FNTA: variants seen among roughly 807,000 people sequenced by gnomAD.
FNTA encodes protein farnesyltransferase/geranylgeranyltransferase type-1 subunit alpha.
A neutral mutation model predicts 55.2 loss-of-function variants in FNTA; 27 were observed. The ratio of observed to expected loss-of-function variants is 0.49; its 90% CI spans 0.36 to 0.67. The LOEUF (loss-of-function observed/expected upper bound fraction) is 0.67, where lower values mean the gene tolerates loss of function less well. Ranked by LOEUF, FNTA falls within the 30% of genes least tolerant of loss-of-function variation. The probability of loss-of-function intolerance (pLI) is 0.00; values close to 1 mark genes in which losing one functional copy is unlikely to be tolerated. For missense variants in FNTA, 422 were observed against 464.7 expected (o/e 0.91, Z 0.85); for synonymous variants, 176 against 170.7 (o/e 1.03, Z -0.24).
At chr8:43,076,977 TCAAAA>T in intron 5 of FNTA, 1 of 338,202 alleles carries the variant, frequency 3.0e-6, no homozygotes, top group Non-Finnish European at 5.3e-6. Flanking sequence ...TTTTTTTCCC[TCAAAA>T]TTTTCTTGGA....
chr8:43,085,074 G>A, intron 8 of FNTA, 86 bp from the exon 9 acceptor site: 1 of 1,245,496 alleles, frequency 8.0e-7, no homozygotes, highest in Non-Finnish European at 1.1e-6. Flanking sequence ...ATTTGAATGT[G>A]ATTTGAGTTA....
chr8:43,062,983 A>G (rs1362021198), intron 2 of FNTA, among the ~76,000 whole-genome samples: 1 of 151,524 alleles, frequency 6.6e-6, no homozygotes, highest in African/African-American at 2.4e-5. Context: ...GGCTCTCACT[A>G]TGTTACCCAG....
At chr8:43,075,757 A>G (rs1810895601) in intron 5 of FNTA, among the ~76,000 whole-genome samples, 1 of 152,218 alleles carries the variant, frequency 6.6e-6, no homozygotes, top group South Asian at 2.1e-4. Context: ...TGGAGGTTAC[A>G]GCGAGCTGAG....
At chr8:43,078,699 C>A (rs1272672739) in intron 6 of FNTA, 2 of 152,226 alleles carry the variant, frequency 1.3e-5, no homozygotes, top group Non-Finnish European at 2.9e-5. Flanking sequence ...CCTACAGTGT[C>A]CTCTGAGTGT....
intron 5 of FNTA, chr8:43,076,857 A>G (rs1586660273): frequency 1.3e-5 from 2 of 154,372 alleles, no homozygotes; most frequent in Non-Finnish European, 1.4e-5. Flanking sequence ...AGCCTGGGCA[A>G]CAAGAGTGAA....
At chr8:43,069,859 G>T (rs1014121234) in intron 4 of FNTA, among the ~76,000 whole-genome samples, 200 bp downstream of exon 4, 12 of 151,788 alleles carry the variant, frequency 7.9e-5, no homozygotes, top group African/African-American at 2.7e-4. Context: ...GGCCAGGCTG[G>T]TCTCGAACTT....
chr8:43,064,210 A>G lies in FNTA; in HGVS notation c.396A>G (p.Thr132=), dbSNP rs1810601386. The G allele has an allele frequency of 1.9e-6, 3 of 1,585,186 alleles. No homozygotes were observed. Among genetic ancestry groups the G allele is most frequent in the Admixed American group, 1.7e-5 (1 of 59,888 alleles). Residue 132 remains threonine, a synonymous_variant, in exon 3 of 9, where the codon ACA becomes ACG. Transcript: ENST00000302279. The part of the protein sequence containing the change: ...DAIELNAANY[T]VWHFRRVLLK... Reference sequence around the variant, plus strand: ...TTGAGTTAAATGCAGCCAATTATACAGTGTGGTAAGTAATACACATCATCA... The same window carrying G: ...TTGAGTTAAATGCAGCCAATTATACGGTGTGGTAAGTAATACACATCATCA...
intron 5 of FNTA, among the ~76,000 whole-genome samples, chr8:43,073,098 T>C (rs1810831073): frequency 1.3e-5 from 2 of 152,334 alleles, no homozygotes; most frequent in African/African-American, 4.8e-5. Context: ...GTGAATTTTT[T>C]CCAGGGATTG....
chr8:43,072,327 G>T lies in FNTA; in HGVS notation c.633+20G>T. On this transcript the variant is annotated intron_variant, in intron 5 of 8. Coordinates refer to ENST00000302279, the MANE Select transcript of FNTA (RefSeq NM_002027.3). ...ATTCAGGTATTGCCTTTCTTGTACAGTGTTTTTCAGATTTTTTTTTTAACT... is the reference window on the plus strand; with the variant it reads ...ATTCAGGTATTGCCTTTCTTGTACATTGTTTTTCAGATTTTTTTTTTAACT... 6.7e-7 allele frequency: 1 copy of T among 1,502,808 alleles called. No individual in the cohort carries two copies. Among genetic ancestry groups the T allele is most frequent in the Non-Finnish European group, 8.9e-7 (1 of 1,124,004 alleles). The allele number at this position is 1,502,808 out of a possible 1,614,324, so 93.1% of individuals were successfully genotyped here.
chr8:43,061,812 C>T (rs565318212), intron 2 of FNTA, among the ~76,000 whole-genome samples: 1 of 152,044 alleles, frequency 6.6e-6, no homozygotes, highest in South Asian at 2.1e-4. Flanking sequence ...CTCCGCCTCC[C>T]GGGTTCAAGT....
intron 2 of FNTA, among the ~76,000 whole-genome samples, chr8:43,061,181 G>T (rs1810521225): frequency 6.6e-6 from 1 of 152,214 alleles, no homozygotes; most frequent in Non-Finnish European, 1.5e-5. Context: ...TGGTATATCT[G>T]TTAAAACTGG....
intron 3 of FNTA, among the ~76,000 whole-genome samples, chr8:43,068,159 G>A (rs768819543): frequency 1.2e-4 from 19 of 152,138 alleles, no homozygotes; most frequent in Non-Finnish European, 1.8e-4. Flanking sequence ...GCCTCCCAAA[G>A]TGCTGGGATT....
intron 4 of FNTA, chr8:43,070,112 G>A (rs1810753601): frequency 6.6e-6 from 1 of 151,026 alleles, no homozygotes; most frequent in Admixed American, 6.6e-5. Flanking sequence ...AAATTAGCCG[G>A]GTGTGGTGGC....
intron 4 of FNTA, chr8:43,070,489 T>C (rs1409446970): frequency 6.6e-6 from 1 of 152,214 alleles, no homozygotes; most frequent in Non-Finnish European, 1.5e-5. Context: ...GGAATTAAGG[T>C]GCTTTTATGT....
At chr8:43,057,616 T>A (rs896541253) in intron 1 of FNTA, among the ~76,000 whole-genome samples, 3 of 152,176 alleles carry the variant, frequency 2.0e-5, no homozygotes, top group Admixed American at 2.0e-4. Flanking sequence ...GCGCATTGGA[T>A]GCCACAGAAT....
chr8:43,069,420 T>C (rs1038381434), intron 3 of FNTA, 135 bp from the exon 4 acceptor site: 4 of 615,916 alleles, frequency 6.5e-6, no homozygotes, highest in Non-Finnish European at 1.2e-5. Context: ...GTGCTTGGCC[T>C]ATAATTGTTA....
chr8:43,083,204 T>TA (rs748154325), intron 7 of FNTA, 24 bp downstream of exon 7: 6 of 1,456,748 alleles, frequency 4.1e-6, no homozygotes, highest in Non-Finnish European at 4.7e-6. Context: ...TTTGCTTTTT[T>TA]TATATATAAA....
intron 7 of FNTA, 91 bp downstream of exon 7, chr8:43,083,271 G>T (rs961517447): frequency 1.4e-6 from 1 of 718,436 alleles, no homozygotes; most frequent in Non-Finnish European, 2.3e-6. Context: ...ATTCCAAAAG[G>T]ATAGTAAATA....
chr8:43,061,503 C>G (rs1291175107), intron 2 of FNTA, among the ~76,000 whole-genome samples: 2 of 152,126 alleles, frequency 1.3e-5, no homozygotes, highest in Non-Finnish European at 2.9e-5. Flanking sequence ...ATGTTAGCTA[C>G]TATAATTTGC....
Sources: allele counts gnomAD v4.1 joint callset (sites outside exome capture counted in the v4.1 genomes callset), GRCh38; gene constraint gnomAD v4.1.1; transcripts MANE v1.5; gene names NCBI Gene and HGNC (gene_info 2026-07-23, HGNC 2026-07-21).